MORC1: variants seen among roughly 807,000 people sequenced by gnomAD.
MORC1 encodes the protein MORC family CW-type zinc finger protein 1.
MORC1 carries 59 observed loss-of-function variants against 134.9 expected under a neutral mutation model. The observed-to-expected ratio is 0.44, with a 90% CI of 0.35 to 0.54. MORC1 has a LOEUF of 0.54. Ranked by LOEUF, MORC1 falls within the 20% of genes least tolerant of loss-of-function variation. The pLI, the probability that MORC1 is intolerant of heterozygous loss-of-function variation, is 0.00. For synonymous variants in MORC1, 395 were observed against 391.7 expected (o/e 1.01, Z -0.10); for missense variants, 947 against 1,134.5 (o/e 0.83, Z 2.37).
intron 21 of MORC1, among the ~76,000 whole-genome samples, chr3:108,993,911 C>T (rs893902249): frequency 2.0e-5 from 3 of 152,116 alleles, no homozygotes; most frequent in African/African-American, 7.2e-5. Flanking sequence ...GTTTTGGCCA[C>T]CATAAAACAT....
intron 14 of MORC1, among the ~76,000 whole-genome samples, chr3:109,051,104 T>C (rs1949813549): frequency 1.3e-5 from 2 of 152,186 alleles, no homozygotes; most frequent in South Asian, 2.1e-4. Flanking sequence ...TCAGAAAACA[T>C]AGTAGCAGAC....
At chr3:108,973,803 T>G (rs1169380570) in intron 24 of MORC1, among the ~76,000 whole-genome samples, 4 of 152,018 alleles carry the variant, frequency 2.6e-5, no homozygotes. Flanking sequence ...TTTTGCCATG[T>G]TGCCCAGGTC....
intron 16 of MORC1, among the ~76,000 whole-genome samples, chr3:109,030,651 C>T (rs993431252): frequency 6.6e-6 from 1 of 152,140 alleles, no homozygotes; most frequent in African/African-American, 2.4e-5. Context: ...CTTTTTTGCA[C>T]TTTAGACCTT....
In MORC1 at chr3:109,005,149, A is replaced by G. The variant is rs61730076; in HGVS notation, c.1934T>C (p.Met645Thr). 17 of 1,613,772 alleles carry G rather than the reference A, an allele frequency of 1.1e-5. No individual in the cohort carries two copies. Among genetic ancestry groups the G allele is most frequent in the South Asian group, 4.4e-5 (4 of 91,070 alleles). Reference protein sequence around the residue: ...ISETKIMKKSMEEKMNSQQQR... With the variant: ...ISETKIMKKSTEEKMNSQQQR... ...CTGTTGAGAGTTCATTTTCTCCTCC[A>G]TAGACTTTTTCATAATTTTTGTTTC... The change falls in exon 19 of 28, where the codon ATG becomes ACG. Residue 645 changes from methionine to threonine, a missense_variant. Coordinates refer to ENST00000232603, the MANE Select transcript of MORC1 (RefSeq NM_014429.4).
rs372656745 is a variant in MORC1 at position 108,985,482 on chromosome 3, G to T, written c.2258-700C>A. Reference sequence around the variant, plus strand: ...ACCAAGAAGTTTAGGGTTATTGAAGGCTAAGTAGAAGAGGACATCAACAAG... The same window carrying T: ...ACCAAGAAGTTTAGGGTTATTGAAGTCTAAGTAGAAGAGGACATCAACAAG... On this transcript the variant is annotated intron_variant, in intron 22 of 27. Coordinates refer to ENST00000232603, the MANE Select transcript of MORC1 (RefSeq NM_014429.4). 2.6e-5 allele frequency among the ~76,000 whole-genome samples: 4 copies of T among 152,158 alleles called. No individual in the cohort carries two copies. In the East Asian group the frequency reaches 5.8e-4, roughly 22 times the overall value.
At chr3:109,099,136 T>C (rs576715261) in intron 6 of MORC1, among the ~76,000 whole-genome samples, 3 of 152,200 alleles carry the variant, frequency 2.0e-5, no homozygotes, top group South Asian at 4.1e-4. Context: ...CTTTGGGAGA[T>C]TTGAGCACAT....
At chr3:108,996,308 A>ACACAC (rs1553745343) in intron 21 of MORC1, among the ~76,000 whole-genome samples, 2 of 151,214 alleles carry the variant, frequency 1.3e-5, no homozygotes, top group Non-Finnish European at 3.0e-5. Context: ...ACACACACAC[A>ACACAC]ACTAGAATTT....
chr3:109,075,012 A>C (rs768733883), intron 8 of MORC1, among the ~76,000 whole-genome samples: 3 of 152,186 alleles, frequency 2.0e-5, no homozygotes, highest in Non-Finnish European at 4.4e-5. Context: ...ATGGCATATC[A>C]ACCTAGAGTT....
At chr3:109,114,359 A>C (rs865862852) in intron 2 of MORC1, 25 bp downstream of exon 2, 1 of 1,585,244 alleles carries the variant, frequency 6.3e-7, no homozygotes, top group Non-Finnish European at 8.6e-7. Flanking sequence ...TCCCTCAGTA[A>C]CTGTTGTTTA....
At chr3:109,002,058 C>A (rs959019153) in intron 20 of MORC1, among the ~76,000 whole-genome samples, 1 of 152,176 alleles carries the variant, frequency 6.6e-6, no homozygotes, top group Non-Finnish European at 1.5e-5. Context: ...GAGTTACCTC[C>A]TCCATCACCA....
rs576200826 is a variant in MORC1 at position 108,984,645 on chromosome 3, A to T, written c.2324+71T>A. On this transcript the variant is annotated intron_variant, in intron 23 of 27. Transcript: ENST00000232603. ...TATTATTTCCTTTCTTCTTGTATTT[A>T]AACATTGATAATTACTTTTCAGCAG... 108 of 1,153,162 alleles carry T rather than the reference A, an allele frequency of 9.4e-5. No individual in the cohort carries two copies. The East Asian group carries it at 2.8e-3, about 30-fold the overall frequency. 71.4% of individuals were successfully genotyped at this position (1,153,162 alleles called of 1,614,324 possible). A position where few individuals can be genotyped will look rare whatever the true frequency, so the allele number is the denominator to read the frequency against.
At chr3:109,045,291 C>A (rs1284567862) in intron 14 of MORC1, among the ~76,000 whole-genome samples, 1 of 152,122 alleles carries the variant, frequency 6.6e-6, no homozygotes, top group African/African-American at 2.4e-5. Context: ...ACTCTTCCTC[C>A]TCTGTTGAAT....
intron 20 of MORC1, among the ~76,000 whole-genome samples, chr3:109,001,728 C>T (rs1334481005): frequency 6.6e-6 from 1 of 152,210 alleles, no homozygotes; most frequent in African/African-American, 2.4e-5. Context: ...TCTAGTCCTT[C>T]TTTTCTTCTT....
At chr3:109,032,134 G>C (rs1949255305) in intron 16 of MORC1, among the ~76,000 whole-genome samples, 2 of 152,100 alleles carry the variant, frequency 1.3e-5, no homozygotes, top group African/African-American at 4.8e-5. Context: ...ACTTAGAACA[G>C]ACTGCATGGA....
At chr3:109,005,676 C>G (rs1197849539) in intron 18 of MORC1, among the ~76,000 whole-genome samples, 1 of 152,196 alleles carries the variant, frequency 6.6e-6, no homozygotes, top group Non-Finnish European at 1.5e-5. Flanking sequence ...ATCCTGCTTC[C>G]TGCCCCTTGC....
chr3:109,077,444 A>C (rs1648535258), intron 8 of MORC1, among the ~76,000 whole-genome samples: 1 of 152,176 alleles, frequency 6.6e-6, no homozygotes, highest in Non-Finnish European at 1.5e-5. Flanking sequence ...AGATAAATAC[A>C]TACTAAGACC....
intron 22 of MORC1, among the ~76,000 whole-genome samples, chr3:108,986,519 T>C (rs2593963): frequency 0.42 from 63,902 of 151,992 alleles, 14,119 homozygotes; most frequent in Middle Eastern, 0.55. Context: ...AAACGGGGAC[T>C]GTCATCATCA....
At chr3:109,063,888 G>A (rs1204908533) in intron 9 of MORC1, among the ~76,000 whole-genome samples, 2 of 152,096 alleles carry the variant, frequency 1.3e-5, no homozygotes, top group Non-Finnish European at 2.9e-5. Context: ...ATGTGCACCT[G>A]TTATAGAAAA....
chr3:109,097,020 T>C (rs1171030657), intron 6 of MORC1, among the ~76,000 whole-genome samples: 1 of 152,060 alleles, frequency 6.6e-6, no homozygotes, highest in East Asian at 1.9e-4. Flanking sequence ...TCATCAGCTA[T>C]TACAAGAAAC....
Sources: allele counts gnomAD v4.1 joint callset (sites outside exome capture counted in the v4.1 genomes callset), GRCh38; gene constraint gnomAD v4.1.1; transcripts MANE v1.5; gene names NCBI Gene and HGNC (gene_info 2026-07-23, HGNC 2026-07-21).